RBM3: variants seen among roughly 807,000 people sequenced by gnomAD.
RBM3 encodes RNA-binding protein 3.
Under a neutral mutation model 12.0 loss-of-function variants are expected in RBM3, and 3 were observed. The ratio of observed to expected loss-of-function variants is 0.25; its 90% confidence interval spans 0.11 to 0.65. The LOEUF (loss-of-function observed/expected upper bound fraction) is 0.65. Ranked by LOEUF, RBM3 falls within the 30% of genes least tolerant of loss-of-function variation. The pLI is 0.84. For synonymous variants in RBM3, 58 were observed against 45.7 expected, an observed-to-expected ratio of 1.27 and a Z score of -1.08; for missense variants, 108 against 134.5, an observed-to-expected ratio of 0.80 and a Z score of 0.97.
intron 3 of RBM3, 59 bp downstream of exon 3, chrX:48,575,726 T>C: frequency 9.2e-7 from 1 of 1,084,270 alleles, no homozygotes; most frequent in African/African-American, 1.8e-5. Flanking sequence ...TTCATTCTTT[T>C]TGTTTTTCCC....
rs1345423772 is a variant in RBM3 at position 48,575,335 on chromosome X, C to T, written c.103+52C>T. 4.6e-6 allele frequency: 5 copies of T among 1,076,968 alleles called. No individual in the cohort carries two copies. In the East Asian group the frequency reaches 1.2e-4, roughly 27 times the overall value. The allele number at this position is 1,076,968 out of a possible 1,213,427, so 88.8% of individuals were successfully genotyped here. On this transcript the variant is annotated intron_variant, in intron 2 of 6. Coordinates refer to ENST00000376759, the MANE Select transcript of RBM3 (RefSeq NM_006743.5). ...GGTTGGTGAGAGAAAGTCTGGGATCCTTGCATTTCAAGGAGTATTAACTGA... is the reference window on the plus strand; with the variant it reads ...GGTTGGTGAGAGAAAGTCTGGGATCTTTGCATTTCAAGGAGTATTAACTGA...
In RBM3 at chrX:48,577,457, G is replaced by C. The variant is rs1556989610; in HGVS notation, c.*24-8G>C. 3 of 1,045,935 alleles carry C rather than the reference G, an allele frequency of 2.9e-6. No homozygotes were observed. The highest frequency in any genetic ancestry group is 2.8e-5 in the Admixed American group (1 of 36,280). 86.2% of individuals were successfully genotyped at this position (1,045,935 alleles called of 1,213,427 possible). ...ACATCACAATTCTCCCCCTCTTGCTGTTCCCAGATACACAAGGAATAATTT... is the reference window on the plus strand; with the variant it reads ...ACATCACAATTCTCCCCCTCTTGCTCTTCCCAGATACACAAGGAATAATTT... On this transcript the variant is annotated splice_polypyrimidine_tract_variant and splice_region_variant and intron_variant, in intron 6 of 6. Coordinates refer to ENST00000376759, the MANE Select transcript of RBM3 (RefSeq NM_006743.5).
rs2062070851 is a variant in RBM3 at position 48,574,539 on chromosome X, C to T, written c.-48C>T. ...TGTTTTTTGTGCTCCTCCGAGCTCG[C>T]TGTTCGTCCGGGTTTTTTACGTTTT... On this transcript the variant is annotated 5_prime_UTR_variant, in exon 1 of 7. Coordinates refer to ENST00000376759, the MANE Select transcript of RBM3 (RefSeq NM_006743.5). The T allele has an allele frequency of 3.0e-6, 1 of 332,502 alleles. No individual in the cohort carries two copies. Among genetic ancestry groups the T allele is most frequent in the South Asian group, 2.6e-5 (1 of 38,593 alleles). 27.4% of individuals were successfully genotyped at this position (332,502 alleles called of 1,213,427 possible). A position where few individuals can be genotyped will look rare whatever the true frequency, so the allele number is the denominator to read the frequency against.
In RBM3 at chrX:48,580,574, A is replaced by C. The variant is rs1569486146; in HGVS notation, c.*3133A>C. 9.0e-6 allele frequency among the ~76,000 whole-genome samples: 1 copy of C among 110,847 alleles called. No homozygotes were observed. The highest frequency in any genetic ancestry group is 3.3e-5 in the African/African-American group (1 of 30,425). On this transcript the variant is annotated 3_prime_UTR_variant, in exon 7 of 7. Coordinates refer to ENST00000376759, the MANE Select transcript of RBM3 (RefSeq NM_006743.5). ...ACCACGCCCGGCTAATTTTTGTATTAATAGAGACAGGGTTTCACCGTGTTG... is the reference window on the plus strand; with the variant it reads ...ACCACGCCCGGCTAATTTTTGTATTCATAGAGACAGGGTTTCACCGTGTTG...
At position 48,579,009 on chromosome X, in the gene RBM3, T is replaced by C. The variant is rs2062092871; in HGVS notation, c.*1568T>C. 1 of 112,026 alleles carries C rather than the reference T, an allele frequency of 8.9e-6. No individual in the cohort carries two copies. Among genetic ancestry groups the C allele is most frequent in the Non-Finnish European group, 1.9e-5 (1 of 53,199 alleles). 9.2% of individuals were successfully genotyped at this position (112,026 alleles called of 1,213,427 possible). A position where few individuals can be genotyped will look rare whatever the true frequency, so the allele number is the denominator to read the frequency against. ...CATTTTCTGTGGAGGGTTAGGTTAA[T>C]TGGCATATAAAGCCACTGAGAAGAG... On this transcript the variant is annotated 3_prime_UTR_variant, in exon 7 of 7. Coordinates refer to ENST00000376759, the MANE Select transcript of RBM3 (RefSeq NM_006743.5).
Position 48,579,906 on chromosome X carries a change from C to A in RBM3, c.*2465C>A, listed in dbSNP as rs1048191916. On this transcript the variant is annotated 3_prime_UTR_variant, in exon 7 of 7. Transcript: ENST00000376759. Reference sequence around the variant, plus strand: ...GCTCTAAGGAAGAGAGCCCACAGTTCTCTATAGTGCCATAGTCTGTGATGA... The same window carrying A: ...GCTCTAAGGAAGAGAGCCCACAGTTATCTATAGTGCCATAGTCTGTGATGA... The A allele has an allele frequency of 2.7e-5, 3 of 111,489 alleles. No individual in the cohort carries two copies. The highest frequency in any genetic ancestry group is 5.7e-5 in the Non-Finnish European group (3 of 53,093). The allele number at this position is 111,489 out of a possible 1,213,427, so 9.2% of individuals were successfully genotyped here.
chrX:48,575,714 C>T, intron 3 of RBM3, 47 bp downstream of exon 3: 1 of 1,114,851 alleles, frequency 9.0e-7, no homozygotes. Flanking sequence ...TCTGCGGCTT[C>T]CTTCATTCTT....
intron 4 of RBM3, 27 bp downstream of exon 4, chrX:48,576,446 G>T (rs2062080375): frequency 1.7e-6 from 2 of 1,202,466 alleles, no homozygotes; most frequent in East Asian, 6.0e-5. Flanking sequence ...TTTTGATCAT[G>T]GGGTGAGAGG....
chrX:48,577,240 C>G (rs2062085060), intron 6 of RBM3, 131 bp downstream of exon 6: 2 of 1,133,884 alleles, frequency 1.8e-6, no homozygotes, highest in Non-Finnish European at 2.3e-6. Flanking sequence ...ACCAAACATT[C>G]CTAGCTAGGC....
intron 5 of RBM3, 60 bp from the exon 6 acceptor site, chrX:48,576,966 T>C: frequency 8.6e-7 from 1 of 1,156,970 alleles, no homozygotes; most frequent in East Asian, 3.0e-5. Context: ...ACGCATATAA[T>C]TACAGTGGTA....
chrX:48,576,048 G>A (rs1282482366), intron 3 of RBM3: 2 of 1,074,711 alleles, frequency 1.9e-6, no homozygotes, highest in Non-Finnish European at 2.5e-6. Flanking sequence ...GCTTAGAGGA[G>A]TGGGGAGGAG....
chrX:48,576,407 A>G lies in RBM3; in HGVS notation c.304A>G (p.Ser102Gly), dbSNP rs1556989235. 2 of 1,210,102 alleles carry G rather than the reference A, an allele frequency of 1.7e-6. No homozygotes were observed. The highest frequency in any genetic ancestry group is 2.2e-6 in the Non-Finnish European group (2 of 894,817). Residue 102 changes from serine (S) to glycine (G), a missense_variant, in exon 4 of 7, where the codon AGC becomes GGC. Transcript: ENST00000376759. ...GGFGAHGRGR[S>G]YSRGGGDQGY... Reference sequence around the variant, plus strand: ...CTTTGGGGCCCATGGGCGTGGTCGCAGCTACTCTAGAGGTGAGTGCAGTGA... The same window carrying G: ...CTTTGGGGCCCATGGGCGTGGTCGCGGCTACTCTAGAGGTGAGTGCAGTGA...
chrX:48,577,302 T>C (rs2062085349), intron 6 of RBM3, 163 bp from the exon 7 acceptor site: 2 of 993,541 alleles, frequency 2.0e-6, no homozygotes, highest in African/African-American at 3.8e-5. Flanking sequence ...GGGTGGGATC[T>C]GAAAACCCAT....
chrX:48,576,680 A>G, intron 5 of RBM3, 76 bp downstream of exon 5: 4 of 1,121,920 alleles, frequency 3.6e-6, no homozygotes, highest in Non-Finnish European at 4.7e-6. Flanking sequence ...GTGTTCATGC[A>G]TACCACACCT....
In RBM3 at chrX:48,575,566, G is replaced by A; in HGVS notation, c.109G>A (p.Val37Ile). 8.3e-7 allele frequency: 1 copy of A among 1,208,448 alleles called. No individual in the cohort carries two copies. Among genetic ancestry groups the A allele is most frequent in the Non-Finnish European group, 1.1e-6 (1 of 893,293 alleles). ...SSFGPISEVV[V>I]VKDRETQRSR... ...ATCTTCTCTCCCTCTCACAGTGGTC[G>A]TTGTCAAGGACCGGGAGACTCAGCG... The change falls in exon 3 of 7, where the codon GTT becomes ATT. Residue 37 changes from valine to isoleucine, a missense_variant. By Grantham distance (29) the Val-to-Ile change is conservative. Coordinates refer to ENST00000376759, the MANE Select transcript of RBM3 (RefSeq NM_006743.5).
At position 48,579,417 on chromosome X, in the gene RBM3, T is replaced by A. The variant is rs1176675540; in HGVS notation, c.*1976T>A. ...CAGCTAGTTGGGACAGGCCCCAATA[T>A]CCCTTCTTCCTGTAACCCAAACAGT... On this transcript the variant is annotated 3_prime_UTR_variant, in exon 7 of 7. Coordinates refer to ENST00000376759, the MANE Select transcript of RBM3 (RefSeq NM_006743.5). Among the ~76,000 whole-genome samples the A allele has an allele frequency of 1.8e-5, 2 of 111,768 alleles. No homozygotes were observed. The highest frequency in any genetic ancestry group is 3.8e-5 in the Non-Finnish European group (2 of 53,166).
At chrX:48,577,188 GCT>G (rs781889184) in intron 6 of RBM3, 79 bp downstream of exon 6, 2 of 1,189,448 alleles carry the variant, frequency 1.7e-6, no homozygotes, top group Non-Finnish European at 2.3e-6. Flanking sequence ...TGGCAAGACT[GCT>G]CTGCATTTCT....
intron 5 of RBM3, 82 bp from the exon 6 acceptor site, chrX:48,576,944 C>T (rs1446122339): frequency 1.8e-6 from 2 of 1,095,387 alleles, no homozygotes; most frequent in Non-Finnish European, 2.5e-6. Context: ...ATGACCCATA[C>T]TGTAAAATGT....
At chrX:48,576,449 G>T in intron 4 of RBM3, 30 bp downstream of exon 4, 1 of 1,202,573 alleles carries the variant, frequency 8.3e-7, no homozygotes, top group Middle Eastern at 2.3e-4. Context: ...TGATCATGGG[G>T]TGAGAGGGAG....
Sources: allele counts gnomAD v4.1 joint callset (sites outside exome capture counted in the v4.1 genomes callset), GRCh38; gene constraint gnomAD v4.1.1; transcripts MANE v1.5; gene names NCBI Gene and HGNC (gene_info 2026-07-23, HGNC 2026-07-21).